The following CACNA2D3 variants were observed in gnomAD, a reference collection of about 807,000 sequenced individuals.
CACNA2D3 encodes calcium voltage-gated channel auxiliary subunit alpha2delta 3.
A neutral mutation model predicts 160.6 loss-of-function variants in CACNA2D3; 60 were observed. The observed-to-expected ratio is 0.37, with a 90% CI of 0.30 to 0.46. CACNA2D3 has a LOEUF of 0.46. CACNA2D3 is among the 20% of genes least tolerant of loss of function. CACNA2D3 has a pLI of 1.00. For missense variants in CACNA2D3, 1,205 were observed against 1,365.0 expected (o/e 0.88, Z 1.85); for synonymous variants, 558 against 492.9 (o/e 1.13, Z -1.75).
At chr3:54,981,353 A>G (rs918467790) in intron 29 of CACNA2D3, among the ~76,000 whole-genome samples, 29 of 152,312 alleles carry the variant, frequency 1.9e-4, no homozygotes, top group Non-Finnish European at 1.0e-4. Context: ...CAGATTCACT[A>G]CAGTTTAAGA....
At chr3:54,240,386 T>G (rs994047634) in intron 2 of CACNA2D3, among the ~76,000 whole-genome samples, 6 of 152,162 alleles carry the variant, frequency 3.9e-5, no homozygotes, top group Non-Finnish European at 8.8e-5. Flanking sequence ...AGAACAGTAA[T>G]TACTAGATAT....
intron 2 of CACNA2D3, among the ~76,000 whole-genome samples, chr3:54,280,960 A>G (rs930443220): frequency 7.2e-5 from 11 of 151,968 alleles, no homozygotes; most frequent in Non-Finnish European, 5.9e-5. Context: ...TTTTTCCTTT[A>G]TGAGGCTGTG....
chr3:54,715,318 G>A (rs1386340068), intron 11 of CACNA2D3, among the ~76,000 whole-genome samples: 1 of 152,172 alleles, frequency 6.6e-6, no homozygotes, highest in Non-Finnish European at 1.5e-5. Context: ...CACAGGGCAA[G>A]GTATGGGAGA....
At chr3:54,761,994 G>A (rs1376662389) in intron 12 of CACNA2D3, among the ~76,000 whole-genome samples, 1 of 152,174 alleles carries the variant, frequency 6.6e-6, no homozygotes, top group Non-Finnish European at 1.5e-5. Context: ...TGCTGTGATG[G>A]AGCTGGCCTC....
intron 11 of CACNA2D3, among the ~76,000 whole-genome samples, chr3:54,743,588 T>A (rs140951253): frequency 6.6e-6 from 1 of 152,370 alleles, no homozygotes; most frequent in Non-Finnish European, 1.5e-5. Context: ...CATCCCAATT[T>A]GTGGAACAAT....
At chr3:54,545,718 A>G (rs1449085775) in intron 5 of CACNA2D3, among the ~76,000 whole-genome samples, 1 of 152,172 alleles carries the variant, frequency 6.6e-6, no homozygotes, top group Non-Finnish European at 1.5e-5. Flanking sequence ...CCTTAACTGA[A>G]TTAGTGACTT....
chr3:54,401,086 C>T (rs1006423879), intron 4 of CACNA2D3, among the ~76,000 whole-genome samples: 1 of 151,608 alleles, frequency 6.6e-6, no homozygotes, highest in African/African-American at 2.4e-5. Context: ...CTGAAGAATT[C>T]AATGAATGAA....
intron 27 of CACNA2D3, chr3:54,924,560 T>C: frequency 7.5e-7 from 1 of 1,338,280 alleles, no homozygotes; most frequent in South Asian, 1.3e-5. Context: ...AGAGAACAGA[T>C]GAGATTCATC....
chr3:54,774,569 A>T (rs979032979), intron 13 of CACNA2D3, among the ~76,000 whole-genome samples: 103 of 151,840 alleles, frequency 6.8e-4, no homozygotes, highest in African/African-American at 2.3e-3. Flanking sequence ...TTGGGTGGGG[A>T]CATAGACCCA....
chr3:54,763,838 TATATATGTAC>T (rs1702157500), intron 12 of CACNA2D3, among the ~76,000 whole-genome samples: 1 of 69,664 alleles, frequency 1.4e-5, no homozygotes, highest in African/African-American at 4.8e-5. Context: ...TATATATGTA[TATATATGTAC>T]ATATATATAC....
intron 2 of CACNA2D3, among the ~76,000 whole-genome samples, chr3:54,150,829 T>C (rs1022236212): frequency 6.7e-6 from 1 of 150,054 alleles, no homozygotes; most frequent in Non-Finnish European, 1.5e-5. Context: ...ACATGATGGA[T>C]GGATGGATGG....
At chr3:54,244,869 A>G (rs1702041582) in intron 2 of CACNA2D3, among the ~76,000 whole-genome samples, 1 of 152,250 alleles carries the variant, frequency 6.6e-6, no homozygotes, top group Non-Finnish European at 1.5e-5. Context: ...ATGCTTGTCC[A>G]TGTACCTCCT....
intron 27 of CACNA2D3, among the ~76,000 whole-genome samples, chr3:54,934,469 G>A (rs754946714): frequency 4.3e-4 from 66 of 152,218 alleles, no homozygotes; most frequent in African/African-American, 1.3e-3. Context: ...GGATTATTCC[G>A]TTTACTGCAT....
rs115577182 is a variant in CACNA2D3 at position 54,237,764 on chromosome 3, C to T, written c.205-82678C>T. Among the ~76,000 whole-genome samples, 713 of 152,334 alleles carry T rather than the reference C, an allele frequency of 4.7e-3. 4 individuals carry two copies. The highest frequency in any genetic ancestry group is 0.017 in the African/African-American group (686 of 41,566). ...AGCATGCTGACTCTGGCTCAGTTTC[C>T]CCTTGGCTGCATTTTTCATCTTTTC... On this transcript the variant is annotated intron_variant, in intron 2 of 37. Transcript: ENST00000474759.
At chr3:54,464,472 G>C (rs1700574156) in intron 4 of CACNA2D3, among the ~76,000 whole-genome samples, 1 of 152,232 alleles carries the variant, frequency 6.6e-6, no homozygotes, top group Non-Finnish European at 1.5e-5. Flanking sequence ...GCAAGCCTGG[G>C]CAATGGCGAG....
rs186732070 is a variant in CACNA2D3 at position 54,283,331 on chromosome 3, A to G, written c.205-37111A>G. On this transcript the variant is annotated intron_variant, in intron 2 of 37. Transcript: ENST00000474759. Reference sequence around the variant, plus strand: ...GTCAGAATTCTTTTTCTAAATGGGAAGAGATAGACTTTAAGGGTCCTCCCT... The same window carrying G: ...GTCAGAATTCTTTTTCTAAATGGGAGGAGATAGACTTTAAGGGTCCTCCCT... 6.5e-4 allele frequency among the ~76,000 whole-genome samples: 99 copies of G among 152,310 alleles called. 1 individual carries two copies. In the East Asian group the frequency reaches 0.019, roughly 29 times the overall value.
chr3:54,297,016 G>C (rs1316226690), intron 2 of CACNA2D3, among the ~76,000 whole-genome samples: 1 of 152,060 alleles, frequency 6.6e-6, no homozygotes, highest in African/African-American at 2.4e-5. Context: ...TTTGATCCAG[G>C]TCTCAGAATT....
intron 31 of CACNA2D3, among the ~76,000 whole-genome samples, chr3:54,989,337 G>A (rs79115503): frequency 0.016 from 2,374 of 152,236 alleles, 44 homozygotes; most frequent in South Asian, 0.028. Context: ...CTTCATGTGG[G>A]TGAAGTACAG....
chr3:54,462,187 T>A (rs186461992), intron 4 of CACNA2D3, among the ~76,000 whole-genome samples: 1 of 152,294 alleles, frequency 6.6e-6, no homozygotes, highest in African/African-American at 2.4e-5. Context: ...GAGGAGAGCT[T>A]TACTTCCCAG....
Sources: allele counts gnomAD v4.1 joint callset (sites outside exome capture counted in the v4.1 genomes callset), GRCh38; gene constraint gnomAD v4.1.1; transcripts MANE v1.5; gene names NCBI Gene and HGNC (gene_info 2026-07-23, HGNC 2026-07-21).